Variants in SDCBP observed in about 807,000 individuals in gnomAD.
SDCBP encodes the protein syndecan binding protein.
A neutral mutation model predicts 30.5 loss-of-function variants in SDCBP; 22 were observed. The observed-to-expected ratio is 0.72, with a 90% confidence interval of 0.52 to 1.03. The LOEUF (loss-of-function observed/expected upper bound fraction) is 1.03, where lower values mean the gene tolerates loss of function less well. Ranked by LOEUF, SDCBP falls within the 50% of genes least tolerant of loss-of-function variation. The pLI is 0.00. For synonymous variants in SDCBP, 103 were observed against 118.7 expected (o/e 0.87, Z 0.86); for missense variants, 304 against 369.9 (o/e 0.82, Z 1.46).
chr8:58,572,580 C>A (rs192646015), intron 4 of SDCBP, among the ~76,000 whole-genome samples: 2 of 152,134 alleles, frequency 1.3e-5, no homozygotes, highest in African/African-American at 2.4e-5. Flanking sequence ...TTACTAAGTC[C>A]TATTGATTCT....
intron 8 of SDCBP, 53 bp from the exon 9 acceptor site, chr8:58,581,633 T>C: frequency 2.1e-6 from 3 of 1,417,858 alleles, no homozygotes; most frequent in Non-Finnish European, 3.0e-6. Flanking sequence ...ATGTAGCATT[T>C]TGAAAAACAA....
At chr8:58,569,633 G>T (rs1459714782) in intron 2 of SDCBP, among the ~76,000 whole-genome samples, 3 of 151,550 alleles carry the variant, frequency 2.0e-5, no homozygotes, top group African/African-American at 7.3e-5. Flanking sequence ...GTCTTTTCAT[G>T]TCTTTATAGT....
chr8:58,555,658 G>A (rs898449390), intron 1 of SDCBP, among the ~76,000 whole-genome samples: 4 of 152,090 alleles, frequency 2.6e-5, no homozygotes, highest in African/African-American at 9.7e-5. Context: ...AGACTGCTTA[G>A]GATATATTAA....
chr8:58,562,405 A>T (rs111770693), intron 1 of SDCBP, among the ~76,000 whole-genome samples: 5,284 of 152,222 alleles, frequency 0.035, 288 homozygotes, highest in African/African-American at 0.12. Context: ...TTCGAAAAAG[A>T]ACAAAGTGGG....
intron 1 of SDCBP, among the ~76,000 whole-genome samples, chr8:58,553,797 G>T (rs1043916548): frequency 6.6e-6 from 1 of 152,258 alleles, no homozygotes; most frequent in African/African-American, 2.4e-5. Flanking sequence ...GAAAGTCCTG[G>T]ATTTGAAAGG....
Position 58,572,954 on chromosome 8 carries a change from G to A in SDCBP, c.240+640G>A, listed in dbSNP as rs1004041213. ...CCCAAGTAGCTGAGACTACAAGCGC[G>A]CGCCACCATGCCTGGCTAATTTTTT... On this transcript the variant is annotated intron_variant, in intron 4 of 8. Transcript: ENST00000260130. 6.6e-5 allele frequency among the ~76,000 whole-genome samples: 10 copies of A among 151,438 alleles called. 1 individual carries two copies. The highest frequency in any genetic ancestry group is 2.2e-4 in the African/African-American group (9 of 41,218).
In SDCBP at chr8:58,572,287, C is replaced by T. The variant is rs146620229; in HGVS notation, c.213C>T (p.Ala71=). The T allele has an allele frequency of 1.5e-5, 24 of 1,611,754 alleles. No homozygotes were observed. The highest frequency in any genetic ancestry group is 6.7e-5 in the African/African-American group (5 of 74,844). Residue 71 remains alanine, a synonymous_variant, in exon 4 of 9, where the codon GCC becomes GCT. Coordinates refer to ENST00000260130, the MANE Select transcript of SDCBP (RefSeq NM_005625.4). ...LNEEEIRANV[A]VVSGAPLQGQ... is the part of the protein sequence containing the mutation. ...AAGAAGAAATACGTGCAAATGTGGCCGTGGTTTCTGGTGCACCACTTCAGG... is the reference window on the plus strand; with the variant it reads ...AAGAAGAAATACGTGCAAATGTGGCTGTGGTTTCTGGTGCACCACTTCAGG...
rs950719227 is a variant in SDCBP at position 58,567,626 on chromosome 8, C to T, written c.51+2542C>T. On this transcript the variant is annotated intron_variant, in intron 2 of 8. Transcript: ENST00000260130. ...TATATAGTCATGTGTTGCTTAAAGA[C>T]GGATATGTTCTGAGAAATGCCTCAT... is the stretch of plus-strand genomic sequence containing the variant. Among the ~76,000 whole-genome samples, 9 of 152,132 alleles carry T rather than the reference C, an allele frequency of 5.9e-5. No individual in the cohort carries two copies. In the South Asian group the frequency reaches 6.2e-4, roughly 11 times the overall value.
chr8:58,567,447 C>T (rs923215246), intron 2 of SDCBP, among the ~76,000 whole-genome samples: 1 of 152,200 alleles, frequency 6.6e-6, no homozygotes, highest in African/African-American at 2.4e-5. Flanking sequence ...TGTCCTCACA[C>T]ATGCACAACC....
At chr8:58,562,663 C>A (rs1340904208) in intron 1 of SDCBP, among the ~76,000 whole-genome samples, 3 of 152,038 alleles carry the variant, frequency 2.0e-5, no homozygotes, top group Non-Finnish European at 4.4e-5. Flanking sequence ...ATACCACACA[C>A]CGTGTACAAA....
intron 2 of SDCBP, among the ~76,000 whole-genome samples, chr8:58,568,560 A>G (rs1390316510): frequency 6.6e-6 from 1 of 152,210 alleles, no homozygotes; most frequent in African/African-American, 2.4e-5. Flanking sequence ...ATCAAGTATT[A>G]TGTACCATGC....
intron 2 of SDCBP, among the ~76,000 whole-genome samples, chr8:58,566,612 A>G (rs1003912124): frequency 3.3e-5 from 5 of 151,994 alleles, no homozygotes; most frequent in African/African-American, 1.2e-4. Context: ...TTCTTTTATT[A>G]CCCCTGAATT....
At chr8:58,573,647 G>A (rs1805162344) in intron 4 of SDCBP, among the ~76,000 whole-genome samples, 1 of 152,168 alleles carries the variant, frequency 6.6e-6, no homozygotes, top group Non-Finnish European at 1.5e-5. Context: ...AACTGCTGCT[G>A]CCAGTGTAAA....
intron 3 of SDCBP, 47 bp downstream of exon 3, chr8:58,571,012 ATCT>A: frequency 7.1e-7 from 1 of 1,399,940 alleles, no homozygotes; most frequent in Non-Finnish European, 1.0e-6. Flanking sequence ...AAATATTGTT[ATCT>A]TCTTTTGCTC....
At chr8:58,565,134 C>T in intron 2 of SDCBP, 50 bp downstream of exon 2, 1 of 945,346 alleles carries the variant, frequency 1.1e-6, no homozygotes, top group Non-Finnish European at 1.6e-6. Flanking sequence ...AACATGCATT[C>T]TACTTATAGG....
In SDCBP at chr8:58,557,493, C is replaced by T. The variant is rs1046897540; in HGVS notation, c.-16+4190C>T. Among the ~76,000 whole-genome samples, 25 of 142,850 alleles carry T rather than the reference C, an allele frequency of 1.8e-4. No individual in the cohort carries two copies. The East Asian group carries it at 4.4e-3, about 25-fold the overall frequency. The allele number at this position is 142,850 out of a possible 152,430, so 93.7% of individuals were successfully genotyped here. A position where few individuals can be genotyped will look rare whatever the true frequency, so the allele number is the denominator to read the frequency against. ...ATATATGTTATATATAATACATATG[C>T]ACACACACACATATATAATATATAT... On this transcript the variant is annotated intron_variant, in intron 1 of 8. Transcript: ENST00000260130.
chr8:58,556,777 G>A (rs988844171), intron 1 of SDCBP, among the ~76,000 whole-genome samples: 4 of 149,620 alleles, frequency 2.7e-5, no homozygotes, highest in African/African-American at 7.4e-5. Flanking sequence ...TTGCCCTGAG[G>A]GGGTTGAGGG....
Position 58,568,915 on chromosome 8 carries a change from C to T in SDCBP, c.52-1972C>T, listed in dbSNP as rs114182996. On this transcript the variant is annotated intron_variant, in intron 2 of 8. Transcript: ENST00000260130. ...TGTGTTTTCTTTAGCGTCAGGATGT[C>T]GCTCTGTTGCCCAGGCTGGAGTACA... is the stretch of plus-strand genomic sequence containing the variant. 4.6e-3 allele frequency among the ~76,000 whole-genome samples: 697 copies of T among 152,284 alleles called. 6 individuals are homozygous for T. The highest frequency in any genetic ancestry group is 0.016 in the African/African-American group (662 of 41,558).
At position 58,572,199 on chromosome 8, in the gene SDCBP, T is replaced by G. The variant is rs747085421; in HGVS notation, c.131-6T>G. ...GTGCTTTTTAATTTATTCATTTACT[T>G]TTTAGATCTCTATCCCAGACTGTAT... is the stretch of plus-strand genomic sequence containing the variant. On this transcript the variant is annotated splice_region_variant and splice_polypyrimidine_tract_variant and intron_variant, in intron 3 of 8. Coordinates refer to ENST00000260130, the MANE Select transcript of SDCBP (RefSeq NM_005625.4). The G allele has an allele frequency of 1.3e-6, 2 of 1,562,164 alleles. No individual in the cohort carries two copies. Among genetic ancestry groups the G allele is most frequent in the East Asian group, 2.2e-5 (1 of 44,582 alleles).
Sources: allele counts gnomAD v4.1 joint callset (sites outside exome capture counted in the v4.1 genomes callset), GRCh38; gene constraint gnomAD v4.1.1; transcripts MANE v1.5; gene names NCBI Gene and HGNC (gene_info 2026-07-23, HGNC 2026-07-21).